The following RNGTT variants were observed in gnomAD, a reference collection of about 807,000 sequenced individuals.
RNGTT encodes the protein RNA guanylyltransferase and 5'-phosphatase.
Under a neutral mutation model 79.3 loss-of-function variants are expected in RNGTT, and 33 were observed. The ratio of observed to expected loss-of-function variants is 0.42; its 90% CI spans 0.32 to 0.56. The LOEUF is 0.56. Ranked by LOEUF, RNGTT falls within the 20% of genes least tolerant of loss-of-function variation. The pLI, the probability that RNGTT is intolerant of heterozygous loss-of-function variation, is 0.17. For missense variants in RNGTT, 497 were observed against 739.1 expected, an observed-to-expected ratio of 0.67 and a Z score of 3.80; for synonymous variants, 222 against 235.9, an observed-to-expected ratio of 0.94 and a Z score of 0.54.
At chr6:88,711,835 G>A (rs2127807580) in intron 13 of RNGTT, among the ~76,000 whole-genome samples, 1 of 152,234 alleles carries the variant, frequency 6.6e-6, no homozygotes, top group Middle Eastern at 3.4e-3. Context: ...TGTGTGGTAG[G>A]CACTGTTATA....
At chr6:88,727,905 G>A (rs1776973514) in intron 13 of RNGTT, among the ~76,000 whole-genome samples, 2 of 152,170 alleles carry the variant, frequency 1.3e-5, no homozygotes, top group Admixed American at 1.3e-4. Context: ...AGAATTTCCG[G>A]TAAACTAGCA....
intron 13 of RNGTT, among the ~76,000 whole-genome samples, chr6:88,747,540 C>T (rs1237074478): frequency 2.6e-5 from 4 of 152,180 alleles, no homozygotes; most frequent in African/African-American, 9.7e-5. Context: ...AAAAATACTT[C>T]TAACCAGAGA....
At chr6:88,826,360 TA>T (rs1780654800) in intron 11 of RNGTT, among the ~76,000 whole-genome samples, 1 of 152,226 alleles carries the variant, frequency 6.6e-6, no homozygotes, top group African/African-American at 2.4e-5. Flanking sequence ...GAAGTTAACT[TA>T]AACCTACGAG....
intron 13 of RNGTT, among the ~76,000 whole-genome samples, chr6:88,722,761 A>G (rs1402401436): frequency 6.6e-6 from 1 of 152,254 alleles, no homozygotes; most frequent in Non-Finnish European, 1.5e-5. Context: ...GAGCCTCATA[A>G]CAATGTTTGG....
At chr6:88,615,530 C>T (rs927168946) in intron 14 of RNGTT, among the ~76,000 whole-genome samples, 1 of 152,160 alleles carries the variant, frequency 6.6e-6, no homozygotes, top group African/African-American at 2.4e-5. Context: ...AGCAAACTTG[C>T]CAAATTTATC....
At chr6:88,676,337 C>T (rs1774874199) in intron 14 of RNGTT, among the ~76,000 whole-genome samples, 1 of 151,132 alleles carries the variant, frequency 6.6e-6, no homozygotes, top group African/African-American at 2.4e-5. Context: ...ATATCCACGT[C>T]TTGGAAAAAA....
intron 13 of RNGTT, among the ~76,000 whole-genome samples, chr6:88,741,101 T>C (rs1029575412): frequency 6.6e-6 from 1 of 152,150 alleles, no homozygotes; most frequent in Admixed American, 6.6e-5. Flanking sequence ...ACTGGGTATA[T>C]ATCTAAAGAA....
chr6:88,635,845 C>G (rs1046419360), intron 14 of RNGTT, among the ~76,000 whole-genome samples: 1 of 151,532 alleles, frequency 6.6e-6, no homozygotes, highest in South Asian at 2.1e-4. Context: ...TATATCACTC[C>G]TATGATAAAC....
intron 8 of RNGTT, among the ~76,000 whole-genome samples, chr6:88,862,756 T>C (rs1021760879): frequency 6.6e-6 from 1 of 152,194 alleles, no homozygotes; most frequent in Non-Finnish European, 1.5e-5. Flanking sequence ...TTAACAAATT[T>C]AAAAGAACAC....
intron 4 of RNGTT, among the ~76,000 whole-genome samples, chr6:88,928,070 G>A (rs1784378889): frequency 6.6e-6 from 1 of 151,702 alleles, no homozygotes; most frequent in African/African-American, 2.4e-5. Context: ...TAAATAGCTG[G>A]GGGTAGTGGT....
chr6:88,788,208 G>C (rs192827463), intron 12 of RNGTT, among the ~76,000 whole-genome samples: 54 of 152,122 alleles, frequency 3.5e-4, no homozygotes, highest in Non-Finnish European at 6.6e-4. Flanking sequence ...TGATAAAAAT[G>C]AACTAAATTC....
chr6:88,936,368 G>A (rs546066593), intron 2 of RNGTT, among the ~76,000 whole-genome samples: 21 of 151,986 alleles, frequency 1.4e-4, no homozygotes, highest in African/African-American at 5.1e-4. Flanking sequence ...CAATTTGGGT[G>A]CCTTTTATTT....
At chr6:88,690,801 A>G (rs950765152) in intron 13 of RNGTT, among the ~76,000 whole-genome samples, 6 of 152,154 alleles carry the variant, frequency 3.9e-5, no homozygotes, top group Non-Finnish European at 7.4e-5. Context: ...TATAACACAC[A>G]TTATCTCCTA....
intron 14 of RNGTT, among the ~76,000 whole-genome samples, chr6:88,652,733 T>C (rs1364064738): frequency 2.0e-5 from 3 of 152,170 alleles, no homozygotes; most frequent in African/African-American, 7.2e-5. Flanking sequence ...GTGCATGTTG[T>C]AAGAAGAGTC....
Position 88,724,608 on chromosome 6 carries a change from A to G in RNGTT, c.1439+45166T>C, listed in dbSNP as rs555595617. Among the ~76,000 whole-genome samples the G allele has an allele frequency of 9.2e-5, 14 of 152,336 alleles. No individual in the cohort carries two copies. The South Asian group carries it at 1.9e-3, about 20-fold the overall frequency. On this transcript the variant is annotated intron_variant, in intron 13 of 15. Coordinates refer to ENST00000369485, the MANE Select transcript of RNGTT (RefSeq NM_003800.5). ...GGATGAAACTCTTCCACCTCAGATCATAAGGAGCACATGACCTAGATCCCT... is the reference window on the plus strand; with the variant it reads ...GGATGAAACTCTTCCACCTCAGATCGTAAGGAGCACATGACCTAGATCCCT...
At chr6:88,873,960 C>T (rs1182819827) in intron 8 of RNGTT, among the ~76,000 whole-genome samples, 1 of 152,134 alleles carries the variant, frequency 6.6e-6, no homozygotes, top group African/African-American at 2.4e-5. Flanking sequence ...ACTTATTATT[C>T]GTAGCACAGA....
At chr6:88,830,203 G>C (rs940490142) in intron 11 of RNGTT, among the ~76,000 whole-genome samples, 4 of 152,110 alleles carry the variant, frequency 2.6e-5, no homozygotes, top group African/African-American at 4.8e-5. Flanking sequence ...AGACCACAGT[G>C]CAATCAAATT....
intron 13 of RNGTT, among the ~76,000 whole-genome samples, chr6:88,760,773 C>G (rs1405047277): frequency 6.6e-6 from 1 of 152,000 alleles, no homozygotes; most frequent in African/African-American, 2.4e-5. Flanking sequence ...TTAATCCTTC[C>G]TTATATAAGA....
Position 88,781,447 on chromosome 6 carries a change from C to T in RNGTT, c.1339-11573G>A, listed in dbSNP as rs147204451. Among the ~76,000 whole-genome samples the T allele has an allele frequency of 5.0e-3, 757 of 152,300 alleles. 5 individuals carry two copies. The highest frequency in any genetic ancestry group is 0.017 in the African/African-American group (700 of 41,570). On this transcript the variant is annotated intron_variant, in intron 12 of 15. Coordinates refer to ENST00000369485, the MANE Select transcript of RNGTT (RefSeq NM_003800.5). ...CCTTACTATAATATTAGTTTTATTA[C>T]AGCATTTATTTTTAAAGAAAACTTT...
Sources: allele counts gnomAD v4.1 joint callset (sites outside exome capture counted in the v4.1 genomes callset), GRCh38; gene constraint gnomAD v4.1.1; transcripts MANE v1.5; gene names NCBI Gene and HGNC (gene_info 2026-07-23, HGNC 2026-07-21).